HORMAD2: variants seen among roughly 807,000 people sequenced by gnomAD.
HORMAD2 encodes HORMA domain containing 2, also known as HORMA domain-containing protein 2.
HORMAD2 carries 45 observed loss-of-function variants against 38.8 expected under a neutral mutation model. The observed-to-expected ratio is 1.16, with a 90% CI of 0.91 to 1.49. The LOEUF is 1.49. Among genes scored for constraint, HORMAD2 ranks in the 40% most tolerant of loss-of-function variants. HORMAD2 has a pLI of 0.00. For missense variants in HORMAD2, 338 were observed against 367.0 expected (o/e 0.92, Z 0.65); for synonymous variants, 126 against 122.8 (o/e 1.03, Z -0.17).
At chr22:30,149,111 G>A (rs1924595487) in intron 10 of HORMAD2, among the ~76,000 whole-genome samples, 1 of 152,204 alleles carries the variant, frequency 6.6e-6, no homozygotes, top group Admixed American at 6.5e-5. Context: ...GTCAGTAACT[G>A]ATGCTTATGT....
chr22:30,091,558 C>A (rs1401463139), intron 1 of HORMAD2, among the ~76,000 whole-genome samples: 1 of 151,926 alleles, frequency 6.6e-6, no homozygotes, highest in African/African-American at 2.4e-5. Context: ...GAGCTGCCAC[C>A]CCGGCCTATA....
the HORMAD2 span, chr22:30,206,998 G>T: frequency 2.2e-6 from 1 of 462,198 alleles, no homozygotes; most frequent in Non-Finnish European, 4.5e-6. Flanking sequence ...CTTCGGCAGA[G>T]ACAGAGCCCC....
chr22:30,187,700 C>T, the HORMAD2 span, among the ~76,000 whole-genome samples: 6 of 152,228 alleles, frequency 3.9e-5, no homozygotes, highest in Admixed American at 6.5e-5. Context: ...GGGTAGAGGA[C>T]TGCTGATTTA....
chr22:30,137,095 G>T, intron 10 of HORMAD2: 2 of 366,524 alleles, frequency 5.5e-6, no homozygotes, highest in South Asian at 3.4e-5. Context: ...ACATCAATGT[G>T]AACTTAAATC....
intron 3 of HORMAD2, among the ~76,000 whole-genome samples, chr22:30,102,330 C>T (rs943777799): frequency 5.3e-5 from 8 of 152,142 alleles, no homozygotes; most frequent in African/African-American, 1.4e-4. Flanking sequence ...CCCTAGGCAA[C>T]GGCAATGATA....
intron 7 of HORMAD2, among the ~76,000 whole-genome samples, chr22:30,113,250 CTTTTT>C (rs1386632474): frequency 1.3e-5 from 2 of 150,234 alleles, no homozygotes; most frequent in East Asian, 3.9e-4. Context: ...CTTTTTTTTT[CTTTTT>C]TCTTTTTTTA....
upstream of HORMAD2, among the ~76,000 whole-genome samples, chr22:30,077,832 T>C (rs1295861427): frequency 6.6e-6 from 1 of 152,250 alleles, no homozygotes; most frequent in Admixed American, 6.5e-5. Flanking sequence ...ACTGTCAATG[T>C]TTAATTATCT....
intron 10 of HORMAD2, among the ~76,000 whole-genome samples, chr22:30,173,645 G>T (rs558100313): frequency 6.6e-6 from 1 of 152,292 alleles, no homozygotes; most frequent in East Asian, 1.9e-4. Context: ...CTTTTAGTCG[G>T]CAGTTGGATA....
chr22:30,185,105 C>T, the HORMAD2 span, among the ~76,000 whole-genome samples: 1 of 152,156 alleles, frequency 6.6e-6, no homozygotes, highest in Admixed American at 6.5e-5. Context: ...TGACAGTCTA[C>T]TCTAAATCTG....
At chr22:30,169,216 C>T (rs1037726926) in intron 10 of HORMAD2, among the ~76,000 whole-genome samples, 8 of 152,100 alleles carry the variant, frequency 5.3e-5, no homozygotes, top group Admixed American at 5.2e-4. Flanking sequence ...CCCTGCTGTA[C>T]CCTATATATG....
rs112922189 is a variant in HORMAD2, at chr22:30,097,130, A to G, written c.52-1722A>G. Among the ~76,000 whole-genome samples, 718 of 152,378 alleles carry G rather than the reference A, an allele frequency of 4.7e-3. 7 individuals are homozygous for G. Among genetic ancestry groups the G allele is most frequent in the African/African-American group, 0.016 (673 of 41,584 alleles). On this transcript the variant is annotated intron_variant, in intron 2 of 10. Coordinates refer to ENST00000336726, the MANE Select transcript of HORMAD2 (RefSeq NM_152510.4). Reference sequence around the variant, plus strand: ...CAGCAAAAAGCAGCCTCACAGAATAATTATGACAAACAGATCAAATTTTTA... The same window carrying G: ...CAGCAAAAAGCAGCCTCACAGAATAGTTATGACAAACAGATCAAATTTTTA...
At chr22:30,105,583 T>C (rs1424884880) in intron 5 of HORMAD2, among the ~76,000 whole-genome samples, 2 of 152,212 alleles carry the variant, frequency 1.3e-5, no homozygotes, top group Non-Finnish European at 2.9e-5. Context: ...TACATTTCTA[T>C]TTCCACTGCA....
intron 10 of HORMAD2, among the ~76,000 whole-genome samples, chr22:30,129,380 G>T (rs1256311083): frequency 6.6e-6 from 1 of 151,836 alleles, no homozygotes; most frequent in African/African-American, 2.4e-5. Context: ...TAATAAAAAG[G>T]TAATACTAGA....
intron 10 of HORMAD2, among the ~76,000 whole-genome samples, chr22:30,145,702 A>G (rs1924371577): frequency 6.6e-6 from 1 of 152,222 alleles, no homozygotes; most frequent in Admixed American, 6.5e-5. Context: ...CTTATGTGAC[A>G]ACATCAAACA....
intron 10 of HORMAD2, among the ~76,000 whole-genome samples, chr22:30,160,513 A>G (rs2146214322): frequency 6.6e-6 from 1 of 152,276 alleles, no homozygotes; most frequent in Non-Finnish European, 1.5e-5. Flanking sequence ...TTAAGTTTTT[A>G]GTGATGCAGT....
At chr22:30,092,121 TCCAC>T (rs1302860706) in intron 1 of HORMAD2, among the ~76,000 whole-genome samples, 3 of 151,222 alleles carry the variant, frequency 2.0e-5, no homozygotes, top group Non-Finnish European at 4.4e-5. Flanking sequence ...CCTCAGGTGA[TCCAC>T]CCACCTTGGC....
At chr22:30,160,246 C>T (rs989673263) in intron 10 of HORMAD2, among the ~76,000 whole-genome samples, 1 of 151,700 alleles carries the variant, frequency 6.6e-6, no homozygotes, top group African/African-American at 2.4e-5. Flanking sequence ...TCTGACCCTC[C>T]TCTTTTACCT....
chr22:30,109,802 C>T (rs149332556), intron 5 of HORMAD2, among the ~76,000 whole-genome samples: 17 of 152,276 alleles, frequency 1.1e-4, no homozygotes, highest in Non-Finnish European at 2.4e-4. Context: ...TCAAATGGGA[C>T]ACTTTTTGAG....
At chr22:30,125,419 G>A (rs1193773205) in intron 10 of HORMAD2, among the ~76,000 whole-genome samples, 1 of 150,206 alleles carries the variant, frequency 6.7e-6, no homozygotes, top group Non-Finnish European at 1.5e-5. Flanking sequence ...GTAGAGACAG[G>A]GTTTCTCCAT....
Sources: gnomAD v4.1 joint callset for allele counts (sites outside exome capture counted in the v4.1 genomes callset) on GRCh38, gnomAD v4.1.1 for gene constraint, MANE v1.5 for transcripts, NCBI Gene and HGNC (gene_info 2026-07-23, HGNC 2026-07-21) for gene names.